The following NCAPD3 variants were observed in gnomAD, a reference collection of about 807,000 sequenced individuals.
NCAPD3 encodes the protein condensin-2 complex subunit D3.
NCAPD3 carries 105 observed loss-of-function variants against 182.9 expected under a neutral mutation model. That is an observed-to-expected ratio of 0.57 (90% CI 0.49 to 0.68). The LOEUF is 0.68. Ranked by LOEUF, NCAPD3 falls within the 30% of genes least tolerant of loss-of-function variation. NCAPD3 has a pLI of 0.00. For missense variants in NCAPD3, 1,944 were observed against 1,837.0 expected, an observed-to-expected ratio of 1.06 and a Z score of -1.07; for synonymous variants, 815 against 679.9, an observed-to-expected ratio of 1.20 and a Z score of -3.09.
rs746021308 is a variant in NCAPD3 at position 134,168,584 on chromosome 11, T to A, written c.3258A>T (p.Ser1086=). Residue 1086 remains serine, a synonymous_variant, in exon 26 of 35, where the codon TCA becomes TCT. Coordinates refer to ENST00000534548, the MANE Select transcript of NCAPD3 (RefSeq NM_015261.3). Reference sequence around the variant, plus strand: ...TCTCTTTGTTTGACTTTCCCTTCAATGAAAACAGCCGCTTCTCTCTGTGGC... The same window carrying A: ...TCTCTTTGTTTGACTTTCCCTTCAAAGAAAACAGCCGCTTCTCTCTGTGGC... ...PQSEREKRLF[S]LKGKSNKERR... 6.2e-7 allele frequency: 1 copy of A among 1,614,164 alleles called. No individual in the cohort carries two copies. Among genetic ancestry groups the A allele is most frequent in the African/African-American group, 1.3e-5 (1 of 75,036 alleles).
At chr11:134,168,681 C>A in intron 25 of NCAPD3, 79 bp from the exon 26 acceptor site, 2 of 1,574,012 alleles carry the variant, frequency 1.3e-6, no homozygotes, top group Admixed American at 1.7e-5. Context: ...TAACTGCATC[C>A]TAAAAGCTGC....
At chr11:134,178,455 C>CCAGCACGCAGTTATGCAGAGCT in intron 22 of NCAPD3, 179 bp downstream of exon 22, 1 of 438,156 alleles carries the variant, frequency 2.3e-6, no homozygotes, top group Non-Finnish European at 4.0e-6. Context: ...GCTCTCATGA[C>CCAGCACGCAGTTATGCAGAGCT]CAGCACGCAG....
chr11:134,221,305 C>T (rs1171593424), intron 1 of NCAPD3, among the ~76,000 whole-genome samples: 1 of 152,106 alleles, frequency 6.6e-6, no homozygotes. Flanking sequence ...TAAGACAGCA[C>T]GCTGGCTGGA....
chr11:134,168,819 G>C, intron 25 of NCAPD3, 98 bp downstream of exon 25: 1 of 1,473,816 alleles, frequency 6.8e-7, no homozygotes, highest in Admixed American at 2.0e-5. Context: ...CTGGGGCAGG[G>C]TCTGCGTCCA....
chr11:134,188,481 C>G (rs1591844547), intron 16 of NCAPD3, among the ~76,000 whole-genome samples: 1 of 151,586 alleles, frequency 6.6e-6, no homozygotes, highest in African/African-American at 2.4e-5. Context: ...CACAGTAAAT[C>G]TTACTGCTGC....
chr11:134,208,776 A>G (rs1937712808), intron 7 of NCAPD3, 88 bp downstream of exon 7: 1 of 826,866 alleles, frequency 1.2e-6, no homozygotes, highest in Non-Finnish European at 2.0e-6. Context: ...AAATGGCATT[A>G]TATCAAATGC....
intron 32 of NCAPD3, among the ~76,000 whole-genome samples, chr11:134,155,847 C>T (rs1297610585): frequency 1.6e-5 from 2 of 128,942 alleles, no homozygotes; most frequent in East Asian, 2.8e-4. Context: ...CGTCATGATT[C>T]GGTTGTCGTC....
chr11:134,176,415 G>C (rs1203429196), intron 23 of NCAPD3, 29 bp from the exon 24 acceptor site: 4 of 1,595,824 alleles, frequency 2.5e-6, no homozygotes, highest in African/African-American at 2.7e-5. Flanking sequence ...GCATGTTTCA[G>C]AGTGCGTCAT....
chr11:134,210,237 G>A (rs1430004448), intron 4 of NCAPD3, 33 bp downstream of exon 4: 1 of 1,562,860 alleles, frequency 6.4e-7, no homozygotes, highest in Non-Finnish European at 8.7e-7. Flanking sequence ...TCGTGTGTTG[G>A]TATATATGTT....
At chr11:134,166,107 TCAC>T (rs1162888289) in intron 27 of NCAPD3, among the ~76,000 whole-genome samples, 1 of 15,492 alleles carries the variant, frequency 6.5e-5, no homozygotes. Context: ...AGGGGCACAC[TCAC>T]TAGTGAGATG....
Position 134,220,632 on chromosome 11 carries a change from T to G in NCAPD3, c.159A>C (p.Ala53=). 6.2e-7 allele frequency: 1 copy of G among 1,614,092 alleles called. No individual in the cohort carries two copies. Among genetic ancestry groups the G allele is most frequent in the East Asian group, 2.2e-5 (1 of 44,876 alleles). ...AAAGGCTTTCATAGAGTTTTGTGAA[T>G]GCAGCCAATCCAGTCTCTATGATCT... ...EAEIIETGLA[A]FTKLYESLLP... Residue 53 remains alanine (A), a synonymous_variant, in exon 2 of 35, where the codon GCA becomes GCC. Coordinates refer to ENST00000534548, the MANE Select transcript of NCAPD3 (RefSeq NM_015261.3).
intron 24 of NCAPD3, chr11:134,173,114 C>A: frequency 6.5e-6 from 1 of 153,840 alleles, no homozygotes; most frequent in South Asian, 1.8e-4. Flanking sequence ...GGGTCCAGCT[C>A]TAGCCCCTGT....
At chr11:134,171,471 C>T (rs984977162) in intron 24 of NCAPD3, among the ~76,000 whole-genome samples, 18 of 152,180 alleles carry the variant, frequency 1.2e-4, no homozygotes, top group Admixed American at 3.3e-4. Flanking sequence ...CATTCTGAAA[C>T]AGGGTGTCTG....
At chr11:134,192,624 AATTT>A in intron 16 of NCAPD3, 61 bp downstream of exon 16, 1 of 1,414,718 alleles carries the variant, frequency 7.1e-7, no homozygotes, top group African/African-American at 1.4e-5. Context: ...CAATAGGAGA[AATTT>A]ATTAATACAA....
At chr11:134,217,656 T>C (rs948250028) in intron 2 of NCAPD3, among the ~76,000 whole-genome samples, 7 of 152,336 alleles carry the variant, frequency 4.6e-5, no homozygotes, top group Admixed American at 6.5e-5. Context: ...CTTCTCCTAC[T>C]AAACACATGA....
chr11:134,180,995 C>A (rs186652670), intron 20 of NCAPD3, 82 bp downstream of exon 20: 58 of 972,752 alleles, frequency 6.0e-5, no homozygotes, highest in South Asian at 1.4e-5. Context: ...GCATTTAAAG[C>A]GTACATGACA....
At chr11:134,215,577 A>G (rs1265783087) in intron 3 of NCAPD3, among the ~76,000 whole-genome samples, 1 of 152,188 alleles carries the variant, frequency 6.6e-6, no homozygotes, top group Non-Finnish European at 1.5e-5. Context: ...TTAAGAATAA[A>G]TTTTAAAGGG....
chr11:134,178,614 T>A lies in NCAPD3; in HGVS notation c.2782+20A>T. ...ACACACAGAACGATGTCAAGCCCCA[T>A]TCTCCCATGTTTTTCTTACCTAAGG... On this transcript the variant is annotated intron_variant, in intron 22 of 34. Transcript: ENST00000534548. 1 of 1,505,166 alleles carries A rather than the reference T, an allele frequency of 6.6e-7. No individual in the cohort carries two copies. The allele number at this position is 1,505,166 out of a possible 1,614,324, so 93.2% of individuals were successfully genotyped here. A position where few individuals can be genotyped will look rare whatever the true frequency, so the allele number is the denominator to read the frequency against.
chr11:134,205,735 A>C (rs768455988), intron 8 of NCAPD3, among the ~76,000 whole-genome samples: 6 of 152,230 alleles, frequency 3.9e-5, no homozygotes, highest in Non-Finnish European at 8.8e-5. Flanking sequence ...GTTTATCTGT[A>C]ACATTACATG....
Sources: gnomAD v4.1 joint callset for allele counts (sites outside exome capture counted in the v4.1 genomes callset) on GRCh38, gnomAD v4.1.1 for gene constraint, MANE v1.5 for transcripts, NCBI Gene and HGNC (gene_info 2026-07-23, HGNC 2026-07-21) for gene names.